Variants in PACSIN1 observed in about 807,000 individuals in gnomAD.
PACSIN1 encodes the protein protein kinase C and casein kinase substrate in neurons protein 1.
Under a neutral mutation model 59.5 loss-of-function variants are expected in PACSIN1, and 15 were observed. The ratio of observed to expected loss-of-function variants is 0.25; its 90% CI spans 0.17 to 0.39. The LOEUF is 0.39. PACSIN1 is among the 10% of genes least tolerant of loss of function. PACSIN1 has a pLI of 1.00. For missense variants in PACSIN1, 420 were observed against 580.2 expected (o/e 0.72, Z 2.84); for synonymous variants, 210 against 220.6 (o/e 0.95, Z 0.42).
chr6:34,506,094 G>A (rs753598989), intron 1 of PACSIN1, among the ~76,000 whole-genome samples: 10 of 152,108 alleles, frequency 6.6e-5, no homozygotes, highest in South Asian at 4.2e-4. Context: ...GCATTTTTAC[G>A]ATGGCAGCTT....
rs113787447 is a variant in PACSIN1, at chr6:34,491,731, C to T, written c.-64+25461C>T. 1.5e-3 allele frequency among the ~76,000 whole-genome samples: 233 copies of T among 152,062 alleles called. 1 individual carries two copies. The highest frequency in any genetic ancestry group is 5.3e-3 in the African/African-American group (219 of 41,464). ...GATTCAAGTGATTCTCCTGCCTCAG[C>T]TTCCCGAATAGCTGGGATTACAGGC... On this transcript the variant is annotated intron_variant, in intron 1 of 9. Coordinates refer to ENST00000244458, the MANE Select transcript of PACSIN1 (RefSeq NM_020804.5).
In PACSIN1 at chr6:34,531,559, A is replaced by G. The variant is rs111495129; in HGVS notation, c.1038-41A>G. On this transcript the variant is annotated intron_variant, in intron 8 of 9. Transcript: ENST00000244458. This position sits in a 1 kb window ranked among gnomAD's most constrained non-coding sequence, Gnocchi z 4.4. ...GAGCGGTTAGCCCTCGGGATGCGGTACGGGGAGACATTGAAGCTGGCTCCT... is the reference window on the plus strand; with the variant it reads ...GAGCGGTTAGCCCTCGGGATGCGGTGCGGGGAGACATTGAAGCTGGCTCCT... The G allele has an allele frequency of 3.7e-3, 5,851 of 1,601,590 alleles. 72 individuals carry two copies. The African/African-American group carries it at 0.043, about 12-fold the overall frequency.
At chr6:34,474,576 G>C (rs1159784015) in intron 1 of PACSIN1, among the ~76,000 whole-genome samples, 1 of 152,004 alleles carries the variant, frequency 6.6e-6, no homozygotes, top group Non-Finnish European at 1.5e-5. Context: ...GATCACCTGA[G>C]GTCAGGGGTT....
chr6:34,520,846 G>T (rs1363312267), intron 1 of PACSIN1, among the ~76,000 whole-genome samples: 1 of 152,090 alleles, frequency 6.6e-6, no homozygotes, highest in Non-Finnish European at 1.5e-5. Flanking sequence ...ACAGAGGGCG[G>T]GTGGGACTCG....
rs1156364521 is a variant in PACSIN1 at position 34,515,901 on chromosome 6, G to A, written c.-63-10342G>A. The stretch of plus-strand genomic sequence containing the variant: ...TCTGCCAGCTGCTCAGGAGGGGGCA[G>A]GGTGGGGTGCAGGGGAGGAGCTGGG... On this transcript the variant is annotated intron_variant, in intron 1 of 9. Coordinates refer to ENST00000244458, the MANE Select transcript of PACSIN1 (RefSeq NM_020804.5). This position sits in a 1 kb window ranked among gnomAD's most constrained non-coding sequence, Gnocchi z 4.4. Among the ~76,000 whole-genome samples the A allele has an allele frequency of 2.0e-5, 3 of 152,210 alleles. No individual in the cohort carries two copies. Among genetic ancestry groups the A allele is most frequent in the African/African-American group, 4.8e-5 (2 of 41,540 alleles).
At chr6:34,528,555 A>C (rs994304030) in intron 3 of PACSIN1, 87 bp from the exon 4 acceptor site, 1 of 973,844 alleles carries the variant, frequency 1.0e-6, no homozygotes, top group African/African-American at 1.6e-5. Flanking sequence ...TATGAGAGGA[A>C]AGGGAAAGCC....
intron 1 of PACSIN1, among the ~76,000 whole-genome samples, chr6:34,487,263 G>A (rs898263077): frequency 1.2e-4 from 19 of 152,218 alleles, no homozygotes; most frequent in South Asian, 6.2e-4. Flanking sequence ...AACACTTCCC[G>A]CATCCTGGAA....
chr6:34,501,415 C>T (rs1309807420), intron 1 of PACSIN1, among the ~76,000 whole-genome samples: 1 of 152,164 alleles, frequency 6.6e-6, no homozygotes, highest in Non-Finnish European at 1.5e-5. Flanking sequence ...AGACCTACAC[C>T]CAGAGAGGGG....
At chr6:34,470,430 C>T (rs971241344) in intron 1 of PACSIN1, among the ~76,000 whole-genome samples, 11 of 152,064 alleles carry the variant, frequency 7.2e-5, no homozygotes, top group African/African-American at 1.2e-4. Flanking sequence ...CCACCCGCCT[C>T]GGCCTCCCAA....
rs1011721169 is a variant in PACSIN1 at position 34,531,738 on chromosome 6, A to T, written c.1176A>T (p.Ala392=). The T allele has an allele frequency of 1.9e-6, 3 of 1,595,942 alleles. No homozygotes were observed. Among genetic ancestry groups the T allele is most frequent in the Non-Finnish European group, 1.7e-6 (2 of 1,169,114 alleles). Residue 392 remains alanine, a synonymous_variant, in exon 9 of 10, where the codon GCA becomes GCT. Coordinates refer to ENST00000244458, the MANE Select transcript of PACSIN1 (RefSeq NM_020804.5). The surrounding 1 kb of genome is among the most constrained non-coding windows in gnomAD (Gnocchi z 4.4). ...ACTCCAAGGGAGTGCGCGTGCGGGC[A>T]CTCTACGACTATGACGGCCAGGAGC... ...EDDSKGVRVR[A]LYDYDGQEQD...
chr6:34,503,891 T>C (rs1232894411), intron 1 of PACSIN1, among the ~76,000 whole-genome samples: 1 of 152,234 alleles, frequency 6.6e-6, no homozygotes, highest in Admixed American at 6.5e-5. Flanking sequence ...GGTGTGCTCC[T>C]GCCTGTTGAC....
At chr6:34,526,537 C>T (rs1219485238) in intron 2 of PACSIN1, among the ~76,000 whole-genome samples, 169 bp downstream of exon 2, 1 of 152,242 alleles carries the variant, frequency 6.6e-6, no homozygotes, top group Non-Finnish European at 1.5e-5. Flanking sequence ...TGGCTAAGAG[C>T]ACTGCCCACT....
chr6:34,477,917 T>G (rs1351323117), intron 1 of PACSIN1, among the ~76,000 whole-genome samples: 1 of 258 alleles, frequency 3.9e-3, no homozygotes, highest in East Asian at 0.12. Context: ...CCTGGCCATC[T>G]TTTTTTTTTT....
intron 1 of PACSIN1, among the ~76,000 whole-genome samples, chr6:34,500,837 G>A (rs1767013043): frequency 1.3e-5 from 2 of 152,224 alleles, no homozygotes; most frequent in Non-Finnish European, 2.9e-5. Context: ...ATAACTTGCT[G>A]CAGCTTCTAC....
rs1432799631 is a variant in PACSIN1, at chr6:34,527,193, C to CG, written c.64-134dup. 1.0e-5 allele frequency: 7 copies of CG among 683,256 alleles called. No individual in the cohort carries two copies. In the African/African-American group the frequency reaches 4.2e-4, roughly 41 times the overall value. The allele number at this position is 683,256 out of a possible 1,614,324, so 42.3% of individuals were successfully genotyped here. A position where few individuals can be genotyped will look rare whatever the true frequency, so the allele number is the denominator to read the frequency against. On this transcript the variant is annotated intron_variant, in intron 2 of 9. Coordinates refer to ENST00000244458, the MANE Select transcript of PACSIN1 (RefSeq NM_020804.5). ...TGCCGCTGCGCCGCGGGGCGGGGGG[C>CG]GGGGGCGGGGGCGGGGACGGCGAGG...
At chr6:34,500,127 G>T (rs1038664655) in intron 1 of PACSIN1, among the ~76,000 whole-genome samples, 2 of 152,114 alleles carry the variant, frequency 1.3e-5, no homozygotes, top group African/African-American at 2.4e-5. Flanking sequence ...AAGATATACA[G>T]TTGGTCAATA....
At chr6:34,485,865 G>A (rs895736064) in intron 1 of PACSIN1, among the ~76,000 whole-genome samples, 16 of 152,304 alleles carry the variant, frequency 1.1e-4, no homozygotes, top group African/African-American at 3.8e-4. Context: ...GTCAGCAGTG[G>A]CTGGGGAGGG....
At chr6:34,496,301 G>C (rs184045553) in intron 1 of PACSIN1, among the ~76,000 whole-genome samples, 1 of 152,232 alleles carries the variant, frequency 6.6e-6, no homozygotes, top group African/African-American at 2.4e-5. Flanking sequence ...AAGGTCATCT[G>C]TAATTGCCTG....
chr6:34,526,490 A>C (rs745472197), intron 2 of PACSIN1, 122 bp downstream of exon 2: 25 of 740,894 alleles, frequency 3.4e-5, no homozygotes, highest in Non-Finnish European at 5.2e-5. Flanking sequence ...GCCCCTCCAA[A>C]GCCCTGGGTG....
Sources: gnomAD v4.1 joint callset for allele counts (sites outside exome capture counted in the v4.1 genomes callset) on GRCh38, gnomAD v4.1.1 for gene constraint, Gnocchi (gnomAD v3.1) non-coding constraint, MANE v1.5 for transcripts, NCBI Gene and HGNC (gene_info 2026-07-23, HGNC 2026-07-21) for gene names.